Variants in LMBR1 observed in about 807,000 individuals in gnomAD.
LMBR1 encodes the protein limb development membrane protein 1.
A neutral mutation model predicts 73.9 loss-of-function variants in LMBR1; 52 were observed. That is an observed-to-expected ratio of 0.70 (90% CI 0.56 to 0.89). The LOEUF is 0.89. LMBR1 is among the 40% of genes least tolerant of loss of function. The pLI is 0.00. For synonymous variants in LMBR1, 215 were observed against 209.4 expected (o/e 1.03, Z -0.23); for missense variants, 539 against 579.8 (o/e 0.93, Z 0.72).
At chr7:156,835,006 G>C (rs1467613177) in intron 2 of LMBR1, among the ~76,000 whole-genome samples, 1 of 151,854 alleles carries the variant, frequency 6.6e-6, no homozygotes, top group East Asian at 1.9e-4. Flanking sequence ...CAGGTGCGGT[G>C]GCGGGCGTCT....
chr7:156,787,363 C>A (rs1309359221), intron 5 of LMBR1, among the ~76,000 whole-genome samples: 1 of 152,098 alleles, frequency 6.6e-6, no homozygotes, highest in Non-Finnish European at 1.5e-5. Context: ...TTCTTGAGAA[C>A]TTATCTATGT....
intron 1 of LMBR1, among the ~76,000 whole-genome samples, chr7:156,856,636 T>C (rs1586262786): frequency 6.6e-6 from 1 of 151,496 alleles, no homozygotes; most frequent in Non-Finnish European, 1.5e-5. Context: ...GCACAAGAAC[T>C]GCCTGAATCT....
intron 1 of LMBR1, among the ~76,000 whole-genome samples, chr7:156,876,745 T>G (rs942764145): frequency 2.0e-5 from 3 of 152,166 alleles, no homozygotes; most frequent in Non-Finnish European, 2.9e-5. Flanking sequence ...GAAATCAAGA[T>G]GGAAATTTTA....
At position 156,735,377 on chromosome 7, in the gene LMBR1, G is replaced by C. The variant is rs77832306; in HGVS notation, c.758-1120C>G. On this transcript the variant is annotated intron_variant, in intron 9 of 16. Coordinates refer to ENST00000353442, the MANE Select transcript of LMBR1 (RefSeq NM_022458.4). ...ACATGCATTTCCCTAAATGTGGTTG[G>C]ACATATTTCTATGCATTTATCACCT... Among the ~76,000 whole-genome samples the C allele has an allele frequency of 2.6e-4, 39 of 152,070 alleles. No homozygotes were observed. The East Asian group carries it at 7.2e-3, about 28-fold the overall frequency.
rs1802360313 is a variant in LMBR1, at chr7:156,670,987, T to C, written n.867-1700A>G. Among the ~76,000 whole-genome samples, 1 of 152,020 alleles carries C rather than the reference T, an allele frequency of 6.6e-6. No individual in the cohort carries two copies. The highest frequency in any genetic ancestry group is 1.5e-5 in the Non-Finnish European group (1 of 67,992). ...AGAGAGAGAGAGCTTATGACAAAAATAACATAAAGCAGGAGAGGAAAATTA... is the reference window on the plus strand; with the variant it reads ...AGAGAGAGAGAGCTTATGACAAAAACAACATAAAGCAGGAGAGGAAAATTA... On this transcript the variant is annotated intron_variant and non_coding_transcript_variant, in intron 4 of 4. Transcript: ENST00000430825. The surrounding 1 kb of genome is among the most constrained non-coding windows in gnomAD (Gnocchi z 4.3).
At chr7:156,697,965 C>T (rs867638598) in intron 15 of LMBR1, among the ~76,000 whole-genome samples, 1 of 152,174 alleles carries the variant, frequency 6.6e-6, no homozygotes, top group Non-Finnish European at 1.5e-5. Flanking sequence ...TGTTCCTCTG[C>T]GGCAGCTCCA....
chr7:156,688,018 C>A lies in LMBR1; in HGVS notation c.1387+12G>T. On this transcript the variant is annotated intron_variant, in intron 16 of 16. Coordinates refer to ENST00000353442, the MANE Select transcript of LMBR1 (RefSeq NM_022458.4). The stretch of plus-strand genomic sequence containing the variant: ...AGAAAGAGGAAAAAATACCCATAAA[C>A]CTCAGGATTACCTAGGGCCTTGAAA... 6.4e-7 allele frequency: 1 copy of A among 1,563,506 alleles called. No homozygotes were observed. The highest frequency in any genetic ancestry group is 8.6e-7 in the Non-Finnish European group (1 of 1,161,010).
Position 156,762,832 on chromosome 7 carries a change from AGT to A in LMBR1, c.619+274_619+275del, listed in dbSNP as rs144974995. Among the ~76,000 whole-genome samples, 12 of 135,064 alleles carry A rather than the reference AGT, an allele frequency of 8.9e-5. No homozygotes were observed. In the East Asian group the frequency reaches 1.4e-3, roughly 16 times the overall value. The allele number at this position is 135,064 out of a possible 152,430, so 88.6% of individuals were successfully genotyped here. A position where few individuals can be genotyped will look rare whatever the true frequency, so the allele number is the denominator to read the frequency against. On this transcript the variant is annotated intron_variant, in intron 7 of 16. Coordinates refer to ENST00000353442, the MANE Select transcript of LMBR1 (RefSeq NM_022458.4). The stretch of plus-strand genomic sequence containing the variant: ...GTATGACTGTATATGAGTGTGTGAA[AGT>A]GTGTGAGTGTGAGTGTGTGTGTGTG...
chr7:156,820,495 C>G (rs1834593294), intron 4 of LMBR1, among the ~76,000 whole-genome samples: 1 of 152,114 alleles, frequency 6.6e-6, no homozygotes, highest in Non-Finnish European at 1.5e-5. Context: ...AACAACCACT[C>G]TAAACTTATT....
At chr7:156,762,913 T>G (rs1226705815) in intron 7 of LMBR1, among the ~76,000 whole-genome samples, 195 bp downstream of exon 7, 3 of 151,926 alleles carry the variant, frequency 2.0e-5, no homozygotes, top group Non-Finnish European at 4.4e-5. Context: ...AGAAGAAGCT[T>G]TCCTTAGAGA....
chr7:156,675,961 GGAGCC>G, downstream of LMBR1: 1 of 1,287,418 alleles, frequency 7.8e-7, no homozygotes. Context: ...CTCACTTTGG[GGAGCC>G]TAGGAGTGTC....
intron 15 of LMBR1, among the ~76,000 whole-genome samples, chr7:156,701,343 T>C (rs1809631783): frequency 6.6e-6 from 1 of 152,192 alleles, no homozygotes; most frequent in Non-Finnish European, 1.5e-5. Context: ...GATATATACA[T>C]ACAAGAGAGT....
At position 156,679,487 on chromosome 7, in the gene LMBR1, T is replaced by A. The variant is rs1432765245; in HGVS notation, c.*4591A>T. On this transcript the variant is annotated 3_prime_UTR_variant, in exon 17 of 17. Coordinates refer to ENST00000353442, the MANE Select transcript of LMBR1 (RefSeq NM_022458.4). ...ACTTCAAGATGCTGTTAAAGAGAAG[T>A]TGCAGAATCAATATAAATAGCTACA... 2 of 150,206 alleles carry A rather than the reference T, an allele frequency of 1.3e-5. No homozygotes were observed. The highest frequency in any genetic ancestry group is 3.0e-5 in the Non-Finnish European group (2 of 67,706). 9.3% of individuals were successfully genotyped at this position (150,206 alleles called of 1,614,324 possible).
intron 9 of LMBR1, 126 bp downstream of exon 9, chr7:156,756,267 T>TAA: frequency 1.7e-6 from 1 of 588,594 alleles, no homozygotes; most frequent in Non-Finnish European, 3.0e-6. Flanking sequence ...TTTATTACTC[T>TAA]AAAGTGTTCT....
intron 9 of LMBR1, chr7:156,748,055 T>C (rs1563267944): frequency 6.6e-6 from 1 of 152,168 alleles, no homozygotes; most frequent in Non-Finnish European, 1.5e-5. Context: ...AAGGAGAGAG[T>C]CAGCCCATAT....
At chr7:156,863,922 G>A (rs1798080053) in intron 1 of LMBR1, among the ~76,000 whole-genome samples, 1 of 152,046 alleles carries the variant, frequency 6.6e-6, no homozygotes, top group Non-Finnish European at 1.5e-5. Context: ...TGCCAAGGTG[G>A]GTGGATCACT....
intron 15 of LMBR1, among the ~76,000 whole-genome samples, chr7:156,718,579 A>G (rs937850462): frequency 1.1e-4 from 16 of 152,186 alleles, no homozygotes; most frequent in African/African-American, 3.4e-4. Context: ...ACAAAAAATT[A>G]GCCAGGTGTG....
At chr7:156,824,093 AAACAACAACAACAACAAC>A (rs71522057) in intron 4 of LMBR1, among the ~76,000 whole-genome samples, 3 of 150,204 alleles carry the variant, frequency 2.0e-5, no homozygotes, top group East Asian at 2.0e-4. Flanking sequence ...CCATCTCAAA[AAACAACAACAACAACAAC>A]AACAACAACA....
intron 1 of LMBR1, among the ~76,000 whole-genome samples, chr7:156,866,655 G>C (rs897946497): frequency 3.6e-5 from 5 of 140,012 alleles, no homozygotes; most frequent in African/African-American, 8.1e-5. Context: ...ACCCAGGCTA[G>C]AGTGCAGTGG....
Sources: gnomAD v4.1 joint callset for allele counts (sites outside exome capture counted in the v4.1 genomes callset) on GRCh38, gnomAD v4.1.1 for gene constraint, Gnocchi (gnomAD v3.1) non-coding constraint, MANE v1.5 for transcripts, NCBI Gene and HGNC (gene_info 2026-07-23, HGNC 2026-07-21) for gene names.